Variants in FAM184B observed in about 807,000 individuals in gnomAD.
The protein encoded by FAM184B is protein FAM184B.
In FAM184B, 111 loss-of-function variants were observed where a neutral mutation model predicts 135.9. The ratio of observed to expected loss-of-function variants is 0.82; its 90% confidence interval spans 0.70 to 0.96. The LOEUF (loss-of-function observed/expected upper bound fraction) is 0.96. FAM184B is among the 40% of genes least tolerant of loss of function. The pLI, the probability that FAM184B is intolerant of heterozygous loss-of-function variation, is 0.00. For missense variants in FAM184B, 1,375 were observed against 1,323.9 expected, an observed-to-expected ratio of 1.04 and a Z score of -0.60; for synonymous variants, 552 against 524.8, an observed-to-expected ratio of 1.05 and a Z score of -0.71.
In FAM184B at chr4:17,676,268, C is replaced by T. The variant is rs575322434; in HGVS notation, c.1597-11609G>A. On this transcript the variant is annotated intron_variant, in intron 7 of 17. Coordinates refer to ENST00000265018, the MANE Select transcript of FAM184B (RefSeq NM_015688.2). ...AGGTCCAAGGATAGAGAGGGAAAGA[C>T]GGGAACAGCTGGTTCTGGAACACAA... Among the ~76,000 whole-genome samples the T allele has an allele frequency of 3.3e-5, 5 of 152,088 alleles. No homozygotes were observed. In the East Asian group the frequency reaches 5.8e-4, roughly 18 times the overall value.
At chr4:17,739,140 T>G (rs1717969140) in intron 1 of FAM184B, among the ~76,000 whole-genome samples, 1 of 152,208 alleles carries the variant, frequency 6.6e-6, no homozygotes, top group South Asian at 2.1e-4. Flanking sequence ...CTTTCCTGCA[T>G]AGAATTAGGA....
At chr4:17,646,093 G>C (rs1366230148) in intron 12 of FAM184B, among the ~76,000 whole-genome samples, 2 of 152,192 alleles carry the variant, frequency 1.3e-5, no homozygotes, top group East Asian at 3.8e-4. Context: ...GTGCTGGAGA[G>C]GATGTGGAGA....
intron 13 of FAM184B, among the ~76,000 whole-genome samples, chr4:17,640,558 A>G (rs1715281753): frequency 6.9e-6 from 1 of 144,140 alleles, no homozygotes. Flanking sequence ...AACAGGGTTC[A>G]GTGTACACAG....
At chr4:17,635,443 C>T (rs77716541) in intron 15 of FAM184B, among the ~76,000 whole-genome samples, 2,181 of 152,150 alleles carry the variant, frequency 0.014, 44 homozygotes, top group African/African-American at 0.05. Flanking sequence ...AGGATTTTGC[C>T]GCCTTTCTTC....
chr4:17,766,154 CT>C (rs1718681571), intron 1 of FAM184B, among the ~76,000 whole-genome samples: 1 of 152,188 alleles, frequency 6.6e-6, no homozygotes, highest in South Asian at 2.1e-4. Flanking sequence ...GTCAGGCAGC[CT>C]GCTTTTATTC....
chr4:17,642,753 C>T (rs1715359647), intron 12 of FAM184B, among the ~76,000 whole-genome samples: 4 of 152,226 alleles, frequency 2.6e-5, no homozygotes, highest in Admixed American at 2.0e-4. Flanking sequence ...CTTTCCAACC[C>T]TGTAGCACCT....
At chr4:17,745,554 G>C (rs1718140772) in intron 1 of FAM184B, among the ~76,000 whole-genome samples, 2 of 152,196 alleles carry the variant, frequency 1.3e-5, no homozygotes, top group Admixed American at 1.3e-4. Context: ...ATCGCAGTCT[G>C]AGGGTTCTCC....
intron 6 of FAM184B, among the ~76,000 whole-genome samples, chr4:17,692,809 C>G (rs1332330457): frequency 6.6e-6 from 1 of 152,042 alleles, no homozygotes; most frequent in Non-Finnish European, 1.5e-5. Context: ...CTAGCCTTTT[C>G]CACTAGTTCT....
intron 7 of FAM184B, among the ~76,000 whole-genome samples, chr4:17,668,690 G>A (rs578099671): frequency 7.3e-4 from 111 of 152,168 alleles, no homozygotes; most frequent in African/African-American, 2.5e-3. Flanking sequence ...GTGACAACAC[G>A]CCCGGCTAAT....
At chr4:17,736,124 C>T (rs946031968) in intron 1 of FAM184B, among the ~76,000 whole-genome samples, 10 of 152,090 alleles carry the variant, frequency 6.6e-5, no homozygotes, top group African/African-American at 2.4e-4. Context: ...TCCAAGCATC[C>T]CATCAGGTAA....
At position 17,633,823 on chromosome 4, in the gene FAM184B, C is replaced by G. The variant is rs1405623605; in HGVS notation, c.2955G>C (p.Lys985Asn). 6.4e-7 allele frequency: 1 copy of G among 1,551,558 alleles called. No individual in the cohort carries two copies. Among genetic ancestry groups the G allele is most frequent in the South Asian group, 1.2e-5 (1 of 84,042 alleles). The change falls in exon 17 of 18, where the codon AAG becomes AAC. Residue 985 changes from lysine (K) to asparagine (N), a missense_variant. Lys to Asn is a moderately conservative substitution (Grantham distance 94). Transcript: ENST00000265018. The stretch of plus-strand genomic sequence containing the variant: ...AACTCAGATCGCCACTCAGAAAGTT[C>G]TTTGCATAGGAGGCGAGGTTCGGCA... ...VSVPNLASYA[K>N]NFLSGDLSSR...
chr4:17,708,714 C>CTGTG (rs71167327), intron 2 of FAM184B, among the ~76,000 whole-genome samples, 178 bp downstream of exon 2: 1,508 of 57,052 alleles, frequency 0.026, 85 homozygotes, highest in East Asian at 0.086. Context: ...TATATAGTGT[C>CTGTG]TGTGTGTGTG....
At chr4:17,712,383 C>A (rs993305317) in intron 1 of FAM184B, among the ~76,000 whole-genome samples, 19 of 152,196 alleles carry the variant, frequency 1.2e-4, no homozygotes, top group African/African-American at 4.6e-4. Flanking sequence ...AGAAGCTGGG[C>A]TGGTGTAGAC....
At chr4:17,638,979 G>A (rs1334094820) in intron 14 of FAM184B, among the ~76,000 whole-genome samples, 1 of 152,152 alleles carries the variant, frequency 6.6e-6, no homozygotes, top group Non-Finnish European at 1.5e-5. Flanking sequence ...TGGGATTACA[G>A]GCGTGTGCCA....
chr4:17,713,556 G>A (rs566068335), intron 1 of FAM184B, among the ~76,000 whole-genome samples: 2 of 152,346 alleles, frequency 1.3e-5, no homozygotes, highest in South Asian at 4.1e-4. Context: ...TATGTGCCTA[G>A]CACAGGGATA....
chr4:17,634,667 G>T (rs1210518502), intron 16 of FAM184B, among the ~76,000 whole-genome samples: 2 of 152,136 alleles, frequency 1.3e-5, no homozygotes, highest in South Asian at 2.1e-4. Context: ...TGTGATAGTA[G>T]ATAATTGAAT....
At chr4:17,661,687 A>G (rs996129937) in intron 8 of FAM184B, among the ~76,000 whole-genome samples, 3 of 152,238 alleles carry the variant, frequency 2.0e-5, no homozygotes, top group Admixed American at 6.5e-5. Flanking sequence ...GGAGCAATGA[A>G]GCAGGGATAC....
At chr4:17,699,046 A>G (rs984874038) in intron 5 of FAM184B, among the ~76,000 whole-genome samples, 10 of 152,100 alleles carry the variant, frequency 6.6e-5, no homozygotes, top group African/African-American at 2.4e-4. Flanking sequence ...GAAAATAATG[A>G]GGAGGGAGAA....
At chr4:17,639,229 G>A in intron 14 of FAM184B, 21 bp downstream of exon 14, 1 of 1,550,694 alleles carries the variant, frequency 6.4e-7, no homozygotes, top group Non-Finnish European at 8.7e-7. Context: ...GACCCTCCCT[G>A]GGGCCCGAGG....
Sources: allele counts gnomAD v4.1 joint callset (sites outside exome capture counted in the v4.1 genomes callset), GRCh38; gene constraint gnomAD v4.1.1; transcripts MANE v1.5; gene names NCBI Gene and HGNC (gene_info 2026-07-23, HGNC 2026-07-21).